NLGN4X: variants seen among roughly 807,000 people sequenced by gnomAD.
The protein encoded by NLGN4X is neuroligin-4, X-linked.
NLGN4X carries 3 observed loss-of-function variants against 40.3 expected under a neutral mutation model. The ratio of observed to expected loss-of-function variants is 0.07; its 90% confidence interval spans 0.03 to 0.19. The LOEUF is 0.19. Among genes scored for constraint, NLGN4X ranks in the 10% least tolerant of loss-of-function variants. The probability of loss-of-function intolerance (pLI) is 1.00; values close to 1 mark genes in which losing one functional copy is unlikely to be tolerated. For synonymous variants in NLGN4X, 270 were observed against 306.8 expected, an observed-to-expected ratio of 0.88 and a Z score of 1.25; for missense variants, 382 against 708.3, an observed-to-expected ratio of 0.54 and a Z score of 5.23.
chrX:5,892,651 C>G lies in NLGN4X; in HGVS notation c.*166G>C, dbSNP rs956478176. 3.2e-6 allele frequency: 2 copies of G among 633,016 alleles called. No individual in the cohort carries two copies. The highest frequency in any genetic ancestry group is 5.8e-5 in the Admixed American group (2 of 34,508). 52.2% of individuals were successfully genotyped at this position (633,016 alleles called of 1,213,427 possible). ...GAAAACACCAACGATAAGGGTCTGC[C>G]GGGATGGGATGACTGCCTTTTTGCA... On this transcript the variant is annotated 3_prime_UTR_variant, in exon 6 of 6. Coordinates refer to ENST00000381095, the MANE Select transcript of NLGN4X (RefSeq NM_181332.3).
chrX:6,120,680 T>C (rs2039403429), intron 2 of NLGN4X, among the ~76,000 whole-genome samples: 1 of 111,836 alleles, frequency 8.9e-6, no homozygotes, highest in Non-Finnish European at 1.9e-5. Flanking sequence ...GCCTTGTCCC[T>C]AGAGAGAAAA....
At chrX:6,079,611 G>C (rs746041664) in intron 2 of NLGN4X, among the ~76,000 whole-genome samples, 4 of 111,910 alleles carry the variant, frequency 3.6e-5, no homozygotes, top group Non-Finnish European at 7.5e-5. Context: ...CATGACAGCT[G>C]CATCTCCAGT....
chrX:6,133,712 G>A (rs1247102746), intron 2 of NLGN4X, among the ~76,000 whole-genome samples: 2 of 111,558 alleles, frequency 1.8e-5, no homozygotes, highest in African/African-American at 3.3e-5. Flanking sequence ...ATCTGCATTT[G>A]GAAAAAATTC....
At chrX:6,043,002 G>A (rs982049019) in intron 2 of NLGN4X, among the ~76,000 whole-genome samples, 4 of 106,554 alleles carry the variant, frequency 3.8e-5, no homozygotes, top group Non-Finnish European at 7.7e-5. Context: ...CTAGAATCCA[G>A]GAGGCGGAGG....
intron 2 of NLGN4X, among the ~76,000 whole-genome samples, chrX:6,131,055 C>A (rs1038091233): frequency 9.0e-6 from 1 of 111,593 alleles, no homozygotes; most frequent in African/African-American, 3.2e-5. Flanking sequence ...AAAAGACGAT[C>A]TTTTATTTTT....
At chrX:6,205,607 G>GA (rs1030840170) in intron 1 of NLGN4X, among the ~76,000 whole-genome samples, 1 of 112,452 alleles carries the variant, frequency 8.9e-6, no homozygotes, top group African/African-American at 3.2e-5. Flanking sequence ...TCACAAGTTT[G>GA]AAGTTGAAAA....
At chrX:6,110,987 C>A (rs902513344) in intron 2 of NLGN4X, among the ~76,000 whole-genome samples, 1 of 111,517 alleles carries the variant, frequency 9.0e-6, no homozygotes, top group African/African-American at 3.3e-5. Context: ...ACCTACTCTG[C>A]CCAGCAAAGC....
chrX:6,139,618 A>ATT (rs1437331060), intron 2 of NLGN4X, among the ~76,000 whole-genome samples: 2 of 112,033 alleles, frequency 1.8e-5, no homozygotes, highest in African/African-American at 6.5e-5. Flanking sequence ...TTTTCTATCA[A>ATT]GGATCCTCCA....
intron 2 of NLGN4X, among the ~76,000 whole-genome samples, chrX:6,138,541 G>A (rs1043820654): frequency 8.9e-6 from 1 of 111,766 alleles, no homozygotes; most frequent in Non-Finnish European, 1.9e-5. Flanking sequence ...GGCACTACAG[G>A]TTTATTCATT....
At chrX:5,959,784 A>G (rs2034601368) in intron 3 of NLGN4X, among the ~76,000 whole-genome samples, 2 of 111,386 alleles carry the variant, frequency 1.8e-5, no homozygotes, top group Non-Finnish European at 3.8e-5. Flanking sequence ...AAATACTCAA[A>G]ACCCTCATGA....
At chrX:5,898,928 C>T (rs1050085671) in intron 5 of NLGN4X, among the ~76,000 whole-genome samples, 2 of 111,706 alleles carry the variant, frequency 1.8e-5, no homozygotes, top group African/African-American at 6.5e-5. Flanking sequence ...CTGGAGTGAT[C>T]GGGCCACCAC....
At chrX:5,929,469 T>C (rs555675506) in intron 3 of NLGN4X, among the ~76,000 whole-genome samples, 1 of 110,958 alleles carries the variant, frequency 9.0e-6, no homozygotes, top group Non-Finnish European at 1.9e-5. Flanking sequence ...CACACACACA[T>C]ACAAAAATGT....
intron 1 of NLGN4X, among the ~76,000 whole-genome samples, chrX:6,161,355 A>C (rs1406181224): frequency 2.5e-5 from 2 of 78,966 alleles, no homozygotes; most frequent in Non-Finnish European, 4.5e-5. Context: ...ATAATATAGG[A>C]TATATAATAT....
intron 1 of NLGN4X, among the ~76,000 whole-genome samples, chrX:6,198,158 T>G (rs1923292337): frequency 9.0e-6 from 1 of 111,174 alleles, no homozygotes; most frequent in South Asian, 3.8e-4. Context: ...ATACAAAACT[T>G]TGGAGGAATA....
At chrX:6,033,084 T>C (rs761382734) in intron 2 of NLGN4X, among the ~76,000 whole-genome samples, 170 of 110,919 alleles carry the variant, frequency 1.5e-3, no homozygotes, top group African/African-American at 5.4e-3. Flanking sequence ...AAAGAAAAAA[T>C]TAAATTATTA....
chrX:5,901,281 A>G lies in NLGN4X; in HGVS notation c.1601+1796T>C, dbSNP rs772097252. Reference sequence around the variant, plus strand: ...AGATCTTCTAAGGATTACTGTGCATAACTCATGTGTGGCAGGGCCACTGCA... The same window carrying G: ...AGATCTTCTAAGGATTACTGTGCATGACTCATGTGTGGCAGGGCCACTGCA... On this transcript the variant is annotated intron_variant, in intron 5 of 5. Transcript: ENST00000381095. Among the ~76,000 whole-genome samples the G allele has an allele frequency of 8.9e-5, 10 of 112,298 alleles. No homozygotes were observed. The East Asian group carries it at 2.3e-3, about 25-fold the overall frequency.
intron 3 of NLGN4X, among the ~76,000 whole-genome samples, chrX:5,929,065 T>C (rs1395745096): frequency 9.1e-6 from 1 of 109,974 alleles, no homozygotes; most frequent in Non-Finnish European, 1.9e-5. Context: ...CAAAGCTTTG[T>C]TGGAAAGACA....
At chrX:5,977,676 C>T (rs1475149648) in intron 3 of NLGN4X, among the ~76,000 whole-genome samples, 1 of 110,951 alleles carries the variant, frequency 9.0e-6, no homozygotes, top group Non-Finnish European at 1.9e-5. Context: ...CAGGACAACC[C>T]CAACAAAGCA....
At chrX:5,968,457 C>CTCTG (rs1192942244) in intron 3 of NLGN4X, among the ~76,000 whole-genome samples, 17 of 47,016 alleles carry the variant, frequency 3.6e-4, no homozygotes, top group African/African-American at 1.3e-3. Flanking sequence ...CTCTCTCTCT[C>CTCTG]TGTGTGTGTG....
Sources: allele counts gnomAD v4.1 joint callset (sites outside exome capture counted in the v4.1 genomes callset), GRCh38; gene constraint gnomAD v4.1.1; transcripts MANE v1.5; gene names NCBI Gene and HGNC (gene_info 2026-07-23, HGNC 2026-07-21).